DLG2: variants seen among roughly 807,000 people sequenced by gnomAD.
DLG2 encodes the protein disks large homolog 2.
In DLG2, 45 loss-of-function variants were observed where a neutral mutation model predicts 132.5. That is an observed-to-expected ratio of 0.34 (90% CI 0.27 to 0.44). The LOEUF is 0.44. Ranked by LOEUF, DLG2 falls within the 20% of genes least tolerant of loss-of-function variation. The pLI, the probability that DLG2 is intolerant of heterozygous loss-of-function variation, is 1.00. For missense variants in DLG2, 1,045 were observed against 1,196.9 expected (o/e 0.87, Z 1.87); for synonymous variants, 424 against 419.6 (o/e 1.01, Z -0.13).
At chr11:84,810,115 G>A (rs568158420) in intron 6 of DLG2, among the ~76,000 whole-genome samples, 167 of 152,030 alleles carry the variant, frequency 1.1e-3, no homozygotes, top group African/African-American at 3.9e-3. Context: ...TGATAAACTG[G>A]ATTTAATCAA....
At chr11:84,648,498 G>T (rs575087484) in intron 6 of DLG2, among the ~76,000 whole-genome samples, 226 of 152,176 alleles carry the variant, frequency 1.5e-3, no homozygotes, top group Admixed American at 2.2e-3. Context: ...TATTGTATCC[G>T]TTATAGTTTG....
intron 6 of DLG2, among the ~76,000 whole-genome samples, chr11:84,632,619 A>T (rs1417152147): frequency 6.6e-6 from 1 of 152,212 alleles, no homozygotes; most frequent in Non-Finnish European, 1.5e-5. Context: ...ACTTCCACTA[A>T]GTGAATCATG....
intron 9 of DLG2, among the ~76,000 whole-genome samples, chr11:84,148,090 A>G (rs1213642295): frequency 3.9e-5 from 6 of 152,140 alleles, no homozygotes; most frequent in Admixed American, 6.5e-5. Context: ...AGACTCTAAC[A>G]AGGTCTGAGT....
chr11:84,766,638 T>C (rs2068457215), intron 6 of DLG2, among the ~76,000 whole-genome samples: 1 of 152,038 alleles, frequency 6.6e-6, no homozygotes, highest in Admixed American at 6.6e-5. Flanking sequence ...TCACATTCAG[T>C]TTCAAATCAT....
At chr11:85,331,400 T>C (rs1436323286) in intron 3 of DLG2, among the ~76,000 whole-genome samples, 1 of 152,236 alleles carries the variant, frequency 6.6e-6, no homozygotes, top group Non-Finnish European at 1.5e-5. Context: ...TTGTGTGCCT[T>C]GCCCTTCTTT....
rs927243000 is a variant in DLG2, at chr11:85,154,641, C to A, written c.197G>T (p.Cys66Phe). The A allele has an allele frequency of 1.3e-6, 2 of 1,494,492 alleles. No homozygotes were observed. Among genetic ancestry groups the A allele is most frequent in the African/African-American group, 2.8e-5 (2 of 71,608 alleles). The allele number at this position is 1,494,492 out of a possible 1,614,324, so 92.6% of individuals were successfully genotyped here. The change falls in exon 5 of 28, where the codon TGC (cysteine) becomes TTC (phenylalanine). Residue 66 changes from cysteine to phenylalanine, a missense_variant. Cys to Phe is a radical substitution (Grantham distance 205). Around this residue, in one of 4 missense-constraint regions of DLG2, gnomAD observed 277 missense variants for 238.2 expected, o/e 1.16. Coordinates refer to ENST00000376104, the MANE Select transcript of DLG2 (RefSeq NM_001142699.3). ...TGAAGCATTTTCCTTTGATCCACTG[C>A]AATCTGTAAGCTAAAATAAAAGTTT... is the stretch of plus-strand genomic sequence containing the variant. ...RLQKSSELTD[C>F]SGSKENASCI...
intron 6 of DLG2, among the ~76,000 whole-genome samples, chr11:84,634,621 C>T (rs534539438): frequency 1.2e-4 from 19 of 152,364 alleles, no homozygotes; most frequent in Middle Eastern, 6.8e-3. Context: ...CAGAGTCTCT[C>T]TGAACCTATT....
rs188747505 is a variant in DLG2, at chr11:84,484,514, T to C, written c.519+50056A>G. ...ATCATTTGGCTCCCTTTATAATTTC[T>C]GTACTAAGGGATAATGAACTGGTTA... On this transcript the variant is annotated intron_variant, in intron 7 of 27. Coordinates refer to ENST00000376104, the MANE Select transcript of DLG2 (RefSeq NM_001142699.3). 3.3e-5 allele frequency among the ~76,000 whole-genome samples: 5 copies of C among 152,316 alleles called. No homozygotes were observed. In the East Asian group the frequency reaches 9.6e-4, roughly 29 times the overall value.
At chr11:84,772,595 A>G (rs1310940206) in intron 6 of DLG2, among the ~76,000 whole-genome samples, 1 of 152,098 alleles carries the variant, frequency 6.6e-6, no homozygotes, top group Non-Finnish European at 1.5e-5. Context: ...TACTAACTAT[A>G]CTCTTGGACC....
chr11:85,598,730 C>T lies in DLG2; in HGVS notation c.-34G>A, dbSNP rs2079953182. ...TAACCGCATTTTTCAACAGCTGCTC[C>T]TCTGGTTTCCTTAATTTTTTGCAGT... On this transcript the variant is annotated 5_prime_UTR_variant, in exon 3 of 28. Coordinates refer to ENST00000376104, the MANE Select transcript of DLG2 (RefSeq NM_001142699.3). 1 of 1,564,036 alleles carries T rather than the reference C, an allele frequency of 6.4e-7. No homozygotes were observed. The highest frequency in any genetic ancestry group is 1.7e-4 in the Middle Eastern group (1 of 5,914).
intron 6 of DLG2, among the ~76,000 whole-genome samples, chr11:84,886,218 C>T (rs76172327): frequency 6.6e-6 from 1 of 152,120 alleles, no homozygotes; most frequent in South Asian, 2.1e-4. Context: ...TCATCAATCT[C>T]TGTCAACTGC....
intron 17 of DLG2, among the ~76,000 whole-genome samples, chr11:83,797,199 G>A (rs549352931): frequency 2.0e-5 from 3 of 151,514 alleles, no homozygotes; most frequent in African/African-American, 4.9e-5. Context: ...GAACAAATGT[G>A]AGAAAGAAGT....
chr11:84,180,928 G>A (rs1004231714), intron 8 of DLG2, among the ~76,000 whole-genome samples: 5 of 151,546 alleles, frequency 3.3e-5, no homozygotes, highest in Admixed American at 1.3e-4. Context: ...TAAGTACTTC[G>A]GAGAGAAGAA....
At chr11:83,881,630 C>A (rs1024832634) in intron 15 of DLG2, among the ~76,000 whole-genome samples, 4 of 152,166 alleles carry the variant, frequency 2.6e-5, no homozygotes, top group Non-Finnish European at 4.4e-5. Context: ...CGCTGTTGAG[C>A]TCTCTTAAGC....
intron 4 of DLG2, among the ~76,000 whole-genome samples, chr11:85,199,239 A>T (rs540111782): frequency 6.6e-6 from 1 of 152,344 alleles, no homozygotes; most frequent in South Asian, 2.1e-4. Flanking sequence ...CCACTAATGC[A>T]TACAAAAACA....
chr11:84,464,209 A>C (rs78692361), intron 7 of DLG2, among the ~76,000 whole-genome samples: 2,463 of 151,232 alleles, frequency 0.016, 75 homozygotes, highest in African/African-American at 0.056. Context: ...CCTAGTCTCA[A>C]GTTTTGCATA....
At chr11:84,747,234 CTTTT>C (rs139335744) in intron 6 of DLG2, among the ~76,000 whole-genome samples, 8,573 of 152,180 alleles carry the variant, frequency 0.056, 294 homozygotes, top group Middle Eastern at 0.085. Flanking sequence ...ATGCAATTCC[CTTTT>C]TTAATTTTTT....
chr11:85,521,227 C>A (rs1230996284), intron 3 of DLG2, among the ~76,000 whole-genome samples: 1 of 152,150 alleles, frequency 6.6e-6, no homozygotes, highest in South Asian at 2.1e-4. Context: ...GGAATGATTC[C>A]CCCATGCTGT....
At chr11:85,203,192 A>G (rs2081596258) in intron 4 of DLG2, among the ~76,000 whole-genome samples, 1 of 151,640 alleles carries the variant, frequency 6.6e-6, no homozygotes, top group Non-Finnish European at 1.5e-5. Context: ...ACATCAGACC[A>G]TATATAAATG....
Sources: gnomAD v4.1 joint callset for allele counts (sites outside exome capture counted in the v4.1 genomes callset) on GRCh38, gnomAD v4.1.1 for gene constraint, gnomAD v4.1.1 regional missense constraint, MANE v1.5 for transcripts, NCBI Gene and HGNC (gene_info 2026-07-23, HGNC 2026-07-21) for gene names.